KHDRBS2: variants seen among roughly 807,000 people sequenced by gnomAD.
The protein encoded by KHDRBS2 is KH domain-containing, RNA-binding, signal transduction-associated protein 2.
KHDRBS2 carries 26 observed loss-of-function variants against 44.3 expected under a neutral mutation model. That is an observed-to-expected ratio of 0.59 (90% CI 0.43 to 0.81). KHDRBS2 has a LOEUF of 0.81. Among genes scored for constraint, KHDRBS2 ranks in the 40% least tolerant of loss-of-function variants. KHDRBS2 has a pLI of 0.00. For synonymous variants in KHDRBS2, 194 were observed against 151.1 expected (o/e 1.28, Z -2.08); for missense variants, 476 against 433.1 (o/e 1.10, Z -0.88).
the KHDRBS2 span, among the ~76,000 whole-genome samples, chr6:61,545,219 G>T: frequency 6.6e-6 from 1 of 152,012 alleles, no homozygotes; most frequent in Non-Finnish European, 1.5e-5. Flanking sequence ...GCTGAGGTGG[G>T]AGGACCACTT....
intron 2 of KHDRBS2, among the ~76,000 whole-genome samples, chr6:62,127,818 T>C (rs755271500): frequency 1.3e-5 from 2 of 152,174 alleles, no homozygotes; most frequent in Admixed American, 6.5e-5. Flanking sequence ...AACATTCTGG[T>C]TATGATTTTC....
At chr6:62,207,319 A>G (rs1828158085) in intron 1 of KHDRBS2, among the ~76,000 whole-genome samples, 3 of 152,160 alleles carry the variant, frequency 2.0e-5, no homozygotes, top group Admixed American at 2.0e-4. Flanking sequence ...GGTCTGCTAT[A>G]CTTCAGTATG....
chr6:61,786,740 A>T (rs1783878921), intron 6 of KHDRBS2, among the ~76,000 whole-genome samples: 1 of 152,022 alleles, frequency 6.6e-6, no homozygotes, highest in South Asian at 2.1e-4. Context: ...AGTCGTGGTA[A>T]GTAAACTTTT....
intron 6 of KHDRBS2, among the ~76,000 whole-genome samples, chr6:61,746,491 CT>C (rs1306248858): frequency 2.0e-5 from 3 of 152,102 alleles, no homozygotes; most frequent in Middle Eastern, 3.4e-3. Flanking sequence ...TGAACTCATT[CT>C]TTTTTATGGC....
intron 4 of KHDRBS2, among the ~76,000 whole-genome samples, chr6:61,968,009 T>C (rs2127397562): frequency 6.7e-6 from 1 of 150,110 alleles, no homozygotes; most frequent in Non-Finnish European, 1.5e-5. Context: ...ACCCCCTCTC[T>C]CTGCACTCCT....
chr6:61,785,357 C>T lies in KHDRBS2; in HGVS notation c.811-52593G>A, dbSNP rs539225780. ...TCACAATGTAGGAAAAGTAATATTC[C>T]TATTTTTTGTAAGAGTATAAATTTG... On this transcript the variant is annotated intron_variant, in intron 6 of 8. Transcript: ENST00000281156. Among the ~76,000 whole-genome samples, 50 of 152,152 alleles carry T rather than the reference C, an allele frequency of 3.3e-4. No homozygotes were observed. In the South Asian group the frequency reaches 0.01, roughly 31 times the overall value.
the KHDRBS2 span, among the ~76,000 whole-genome samples, chr6:61,637,719 C>T: frequency 0.053 from 8,032 of 151,872 alleles, 291 homozygotes; most frequent in African/African-American, 0.1. Flanking sequence ...TTTTAATGAT[C>T]GCCATTCTAA....
chr6:61,631,502 G>T, the KHDRBS2 span, among the ~76,000 whole-genome samples: 3 of 152,062 alleles, frequency 2.0e-5, no homozygotes, highest in Non-Finnish European at 4.4e-5. Context: ...GTGAGTGTTT[G>T]TGTAAAGGGC....
At chr6:62,115,222 C>A (rs1805934191) in intron 2 of KHDRBS2, among the ~76,000 whole-genome samples, 1 of 152,034 alleles carries the variant, frequency 6.6e-6, no homozygotes. Flanking sequence ...GTATGAAGCA[C>A]AATTAAGTTT....
intron 2 of KHDRBS2, among the ~76,000 whole-genome samples, chr6:62,118,893 T>C (rs1806935989): frequency 6.6e-6 from 1 of 152,174 alleles, no homozygotes; most frequent in South Asian, 2.1e-4. Flanking sequence ...TTTTGAAGTT[T>C]TGGGACTCAG....
intron 2 of KHDRBS2, among the ~76,000 whole-genome samples, chr6:62,076,456 G>T (rs1173991985): frequency 1.3e-5 from 2 of 151,988 alleles, no homozygotes; most frequent in Non-Finnish European, 2.9e-5. Context: ...AGAAGTCAAG[G>T]TTCATTAAGT....
In KHDRBS2 at chr6:62,169,053, A is replaced by ATATATATATG. The variant is rs1171576459; in HGVS notation, c.219+8122_219+8131dup. On this transcript the variant is annotated intron_variant, in intron 2 of 8. Transcript: ENST00000281156. ...TCCAGTCATATATATATATATATAT[A>ATATATATATG]TATATATATGTATACATGAATATAA... is the stretch of plus-strand genomic sequence containing the variant. 1.4e-3 allele frequency among the ~76,000 whole-genome samples: 195 copies of ATATATATATG among 141,764 alleles called. 7 individuals carry two copies. The South Asian group carries it at 0.041, about 30-fold the overall frequency. 93.0% of individuals were successfully genotyped at this position (141,764 alleles called of 152,430 possible).
At chr6:62,255,435 A>T (rs1459699881) in intron 1 of KHDRBS2, among the ~76,000 whole-genome samples, 1 of 152,100 alleles carries the variant, frequency 6.6e-6, no homozygotes, top group East Asian at 1.9e-4. Context: ...TACTATTGCT[A>T]TCTCCATCTT....
intron 8 of KHDRBS2, among the ~76,000 whole-genome samples, chr6:61,694,795 T>C (rs1767733749): frequency 6.6e-6 from 1 of 152,074 alleles, no homozygotes. Context: ...AAATTATAGC[T>C]GCACTTCCTA....
intron 1 of KHDRBS2, among the ~76,000 whole-genome samples, chr6:62,181,015 C>A (rs1018229865): frequency 6.0e-4 from 63 of 104,306 alleles, no homozygotes; most frequent in Non-Finnish European, 9.4e-4. Flanking sequence ...GGACTCTTCT[C>A]TTACACTGCA....
intron 1 of KHDRBS2, among the ~76,000 whole-genome samples, chr6:62,280,590 A>C (rs1306857359): frequency 1.3e-5 from 2 of 152,248 alleles, no homozygotes; most frequent in African/African-American, 4.8e-5. Context: ...AATTCTAAAA[A>C]GGTAAATTAA....
chr6:62,047,658 T>G (rs1485706730), intron 3 of KHDRBS2, among the ~76,000 whole-genome samples: 1 of 151,416 alleles, frequency 6.6e-6, no homozygotes, highest in African/African-American at 2.4e-5. Flanking sequence ...CTAAAGAAAA[T>G]GAAAATATAG....
chr6:62,046,535 A>G (rs1207135703), intron 3 of KHDRBS2, among the ~76,000 whole-genome samples: 2 of 151,968 alleles, frequency 1.3e-5, no homozygotes, highest in Admixed American at 6.6e-5. Context: ...AACACACAAT[A>G]TGAAGTTTAT....
chr6:62,211,204 CATTAA>C (rs1446584287), intron 1 of KHDRBS2, among the ~76,000 whole-genome samples: 3 of 152,064 alleles, frequency 2.0e-5, no homozygotes, highest in Non-Finnish European at 4.4e-5. Flanking sequence ...CACCTGGGAT[CATTAA>C]ATTATTTTAC....
Sources: allele counts gnomAD v4.1 joint callset (sites outside exome capture counted in the v4.1 genomes callset), GRCh38; gene constraint gnomAD v4.1.1; transcripts MANE v1.5; gene names NCBI Gene and HGNC (gene_info 2026-07-23, HGNC 2026-07-21).